The following PDE3A variants were observed in gnomAD, a reference collection of about 807,000 sequenced individuals.
The protein encoded by PDE3A is phosphodiesterase 3A.
Under a neutral mutation model 98.3 loss-of-function variants are expected in PDE3A, and 43 were observed. The observed-to-expected ratio is 0.44, with a 90% CI of 0.34 to 0.56. The LOEUF (loss-of-function observed/expected upper bound fraction) is 0.56, where lower values mean the gene tolerates loss of function less well. PDE3A is among the 20% of genes least tolerant of loss of function. The pLI, the probability that PDE3A is intolerant of heterozygous loss-of-function variation, is 0.01. For synonymous variants in PDE3A, 663 were observed against 567.9 expected, an observed-to-expected ratio of 1.17 and a Z score of -2.38; for missense variants, 1,427 against 1,440.7, an observed-to-expected ratio of 0.99 and a Z score of 0.15.
At chr12:20,597,738 C>A (rs543915708) in intron 2 of PDE3A, among the ~76,000 whole-genome samples, 1 of 152,158 alleles carries the variant, frequency 6.6e-6, no homozygotes, top group Non-Finnish European at 1.5e-5. Context: ...CCTTTCAGTT[C>A]CCTGAATGCC....
chr12:20,579,997 C>A lies in PDE3A; in HGVS notation c.1011+23287C>A, dbSNP rs540069694. Among the ~76,000 whole-genome samples the A allele has an allele frequency of 1.6e-4, 24 of 152,186 alleles. No homozygotes were observed. The East Asian group carries it at 4.6e-3, about 29-fold the overall frequency. ...ATTACAAAAACTTTAGGAAAAAAAC[C>A]TAGTATTTGGGATGTACAAATGAGA... On this transcript the variant is annotated intron_variant, in intron 2 of 15. Coordinates refer to ENST00000359062, the MANE Select transcript of PDE3A (RefSeq NM_000921.5).
At chr12:20,626,284 C>G (rs982053522) in intron 5 of PDE3A, among the ~76,000 whole-genome samples, 3 of 146,530 alleles carry the variant, frequency 2.0e-5, no homozygotes, top group African/African-American at 8.1e-5. Flanking sequence ...AAGACCGATA[C>G]GGTCTTCAAA....
chr12:20,420,958 A>G (rs1028994625), intron 1 of PDE3A, among the ~76,000 whole-genome samples: 2 of 152,212 alleles, frequency 1.3e-5, no homozygotes, highest in Non-Finnish European at 2.9e-5. Context: ...GACTTGTTCC[A>G]TATTGTCCCA....
At chr12:20,641,461 G>A (rs932982137) in intron 10 of PDE3A, among the ~76,000 whole-genome samples, 1 of 152,132 alleles carries the variant, frequency 6.6e-6, no homozygotes, top group East Asian at 1.9e-4. Flanking sequence ...AGGTCAAGGA[G>A]TTATATAAAT....
At chr12:20,673,859 AT>A (rs1191060548) in intron 15 of PDE3A, among the ~76,000 whole-genome samples, 1 of 76,890 alleles carries the variant, frequency 1.3e-5, no homozygotes, top group African/African-American at 5.3e-5. Context: ...AAAAATAAAA[AT>A]AAAAAAAATA....
intron 1 of PDE3A, among the ~76,000 whole-genome samples, chr12:20,399,456 AT>A (rs1421821018): frequency 6.6e-6 from 1 of 152,170 alleles, no homozygotes; most frequent in Non-Finnish European, 1.5e-5. Flanking sequence ...TCATGGAAAG[AT>A]TAGAGCTTAC....
rs527571977 is a variant in PDE3A, at chr12:20,681,856, C to T, written c.*1585C>T. ...TTATTATATATGTCATGATAGTTATCTTGATGTAAATATGAAGATTTTTTT... is the reference window on the plus strand; with the variant it reads ...TTATTATATATGTCATGATAGTTATTTTGATGTAAATATGAAGATTTTTTT... On this transcript the variant is annotated 3_prime_UTR_variant, in exon 16 of 16. Transcript: ENST00000359062. The T allele has an allele frequency of 6.6e-6, 1 of 151,936 alleles. No homozygotes were observed. The highest frequency in any genetic ancestry group is 6.6e-5 in the Admixed American group (1 of 15,258). The allele number at this position is 151,936 out of a possible 1,614,324, so 9.4% of individuals were successfully genotyped here.
At position 20,505,895 on chromosome 12, in the gene PDE3A, T is replaced by C. The variant is rs190358664; in HGVS notation, c.961-50765T>C. ...AAAACAAATATATGTGGAGCTACTC[T>C]GGTTGTATAAGGTGATAAGGCGCCA... On this transcript the variant is annotated intron_variant, in intron 1 of 15. Coordinates refer to ENST00000359062, the MANE Select transcript of PDE3A (RefSeq NM_000921.5). 1.1e-4 allele frequency among the ~76,000 whole-genome samples: 16 copies of C among 152,170 alleles called. No homozygotes were observed. The East Asian group carries it at 3.1e-3, about 29-fold the overall frequency.
intron 1 of PDE3A, among the ~76,000 whole-genome samples, chr12:20,506,798 T>C (rs186823540): frequency 3.9e-4 from 60 of 152,122 alleles, no homozygotes; most frequent in Admixed American, 3.4e-3. Flanking sequence ...AATTATGGCA[T>C]CAAGTTAATT....
At chr12:20,396,759 A>G (rs1004357051) in intron 1 of PDE3A, among the ~76,000 whole-genome samples, 32 of 152,256 alleles carry the variant, frequency 2.1e-4, no homozygotes, top group African/African-American at 7.5e-4. Context: ...AATGCCCGTT[A>G]CCTAAGGGTT....
At chr12:20,436,302 GA>G (rs1944778140) in intron 1 of PDE3A, among the ~76,000 whole-genome samples, 1 of 152,046 alleles carries the variant, frequency 6.6e-6, no homozygotes, top group Admixed American at 6.6e-5. Context: ...GAGAACGGGG[GA>G]TTGGGTGGGG....
intron 7 of PDE3A, among the ~76,000 whole-genome samples, chr12:20,634,473 A>G (rs533960177): frequency 2.1e-4 from 32 of 152,272 alleles, no homozygotes. Flanking sequence ...CATGCTCCCA[A>G]GCATATGCCA....
chr12:20,615,899 T>G (rs924052066), intron 3 of PDE3A, among the ~76,000 whole-genome samples: 5 of 152,084 alleles, frequency 3.3e-5, no homozygotes, highest in Non-Finnish European at 5.9e-5. Flanking sequence ...CTAATTTTTG[T>G]ATTTTTGGTA....
chr12:20,548,488 A>G (rs2121243646), intron 1 of PDE3A, among the ~76,000 whole-genome samples: 1 of 152,236 alleles, frequency 6.6e-6, no homozygotes, highest in South Asian at 2.1e-4. Flanking sequence ...CTTATCAACT[A>G]GAATATATTT....
At chr12:20,492,451 CAG>C (rs2121051137) in intron 1 of PDE3A, among the ~76,000 whole-genome samples, 1 of 152,128 alleles carries the variant, frequency 6.6e-6, no homozygotes, top group South Asian at 2.1e-4. Context: ...ATAGATGACT[CAG>C]GGGTCATTGA....
intron 5 of PDE3A, among the ~76,000 whole-genome samples, chr12:20,627,545 C>T (rs1480069066): frequency 1.3e-5 from 2 of 151,962 alleles, no homozygotes; most frequent in Admixed American, 6.6e-5. Flanking sequence ...TTTCATGAGG[C>T]CTCTATTCAA....
intron 1 of PDE3A, among the ~76,000 whole-genome samples, chr12:20,476,069 T>C (rs1048283766): frequency 2.6e-5 from 4 of 152,218 alleles, no homozygotes; most frequent in African/African-American, 9.6e-5. Flanking sequence ...TTTTTCTCTA[T>C]CTAAATTTCT....
chr12:20,387,659 T>C (rs1209947554), intron 1 of PDE3A, among the ~76,000 whole-genome samples: 1 of 152,026 alleles, frequency 6.6e-6, no homozygotes, highest in Non-Finnish European at 1.5e-5. Context: ...TACAGAGCAC[T>C]TCAGTGATAG....
At chr12:20,593,960 A>G (rs1038339486) in intron 2 of PDE3A, among the ~76,000 whole-genome samples, 1 of 152,118 alleles carries the variant, frequency 6.6e-6, no homozygotes, top group Non-Finnish European at 1.5e-5. Flanking sequence ...GCTAGGCCAG[A>G]AGAAGAGGAG....
Sources: allele counts gnomAD v4.1 joint callset (sites outside exome capture counted in the v4.1 genomes callset), GRCh38; gene constraint gnomAD v4.1.1; transcripts MANE v1.5; gene names NCBI Gene and HGNC (gene_info 2026-07-23, HGNC 2026-07-21).